MDM4: variants seen among roughly 807,000 people sequenced by gnomAD.
The protein encoded by MDM4 is protein Mdm4.
MDM4 carries 2 observed loss-of-function variants against 60.2 expected under a neutral mutation model. That is an observed-to-expected ratio of 0.03 (90% confidence interval 0.01 to 0.10). The LOEUF (loss-of-function observed/expected upper bound fraction) is 0.10. MDM4 is among the 10% of genes least tolerant of loss of function. The pLI, the probability that MDM4 is intolerant of heterozygous loss-of-function variation, is 1.00. For synonymous variants in MDM4, 202 were observed against 198.1 expected (o/e 1.02, Z -0.17); for missense variants, 447 against 577.5 (o/e 0.77, Z 2.32).
At chr1:204,547,011 G>C (rs532415584) in intron 10 of MDM4, 134 bp downstream of exon 10, 4 of 499,208 alleles carry the variant, frequency 8.0e-6, no homozygotes, top group African/African-American at 4.0e-5. Flanking sequence ...AAGTGATGTT[G>C]GTTTCTTTAC....
chr1:204,543,670 C>T (rs4252721), intron 8 of MDM4, among the ~76,000 whole-genome samples: 5,152 of 152,290 alleles, frequency 0.034, 151 homozygotes, highest in Middle Eastern at 0.068. Context: ...AGGATCCATT[C>T]GCTTTTTGTT....
Position 204,529,485 on chromosome 1 carries a change from C to G in MDM4, c.154-1199C>G, listed in dbSNP as rs975622072. ...TCCTGGAGTTCCAGAGGGGAACATC[C>G]CAGGATTGAGGTGTCCATAGGGCCC... is the stretch of plus-strand genomic sequence containing the variant. On this transcript the variant is annotated intron_variant, in intron 3 of 10. Transcript: ENST00000367182. 7.2e-6 allele frequency: 11 copies of G among 1,527,906 alleles called. 1 individual carries two copies. Among genetic ancestry groups the G allele is most frequent in the Middle Eastern group, 2.1e-4 (1 of 4,666 alleles). 94.6% of individuals were successfully genotyped at this position (1,527,906 alleles called of 1,614,324 possible).
intron 1 of MDM4, among the ~76,000 whole-genome samples, chr1:204,521,137 A>ATAGGGC (rs1659530947): frequency 6.6e-6 from 1 of 152,210 alleles, no homozygotes. Context: ...TAGCTACATA[A>ATAGGGC]TAGGGCTGTT....
intron 1 of MDM4, among the ~76,000 whole-genome samples, chr1:204,517,959 C>T (rs555814449): frequency 2.0e-5 from 3 of 151,598 alleles, no homozygotes; most frequent in Non-Finnish European, 2.9e-5. Context: ...TCTCGGAGTT[C>T]GACACCAGCC....
chr1:204,523,472 A>ATTT (rs1558310638), intron 1 of MDM4, among the ~76,000 whole-genome samples: 15 of 89,056 alleles, frequency 1.7e-4, no homozygotes, highest in Admixed American at 3.9e-4. Flanking sequence ...ACCTAAAAAA[A>ATTT]ATTTTTTTTT....
rs570176492 is a variant in MDM4, at chr1:204,550,048, A to G, written c.*366A>G. ...ATCTGAGTAACCACCCAAAAAAGCA[A>G]TAGAATGTTTCTGTCACCCCAAAAC... On this transcript the variant is annotated 3_prime_UTR_variant, in exon 11 of 11. Transcript: ENST00000367182. The G allele has an allele frequency of 2.0e-3, 492 of 243,416 alleles. No individual in the cohort carries two copies. Among genetic ancestry groups the G allele is most frequent in the Non-Finnish European group, 3.4e-3 (421 of 125,098 alleles). 15.1% of individuals were successfully genotyped at this position (243,416 alleles called of 1,614,324 possible). A position where few individuals can be genotyped will look rare whatever the true frequency, so the allele number is the denominator to read the frequency against.
At position 204,549,892 on chromosome 1, in the gene MDM4, C is replaced by T. The variant is rs903094696; in HGVS notation, c.*210C>T. The T allele has an allele frequency of 9.2e-6, 4 of 436,726 alleles. No homozygotes were observed. Among genetic ancestry groups the T allele is most frequent in the African/African-American group, 6.1e-5 (3 of 49,406 alleles). 27.1% of individuals were successfully genotyped at this position (436,726 alleles called of 1,614,324 possible). A position where few individuals can be genotyped will look rare whatever the true frequency, so the allele number is the denominator to read the frequency against. Reference sequence around the variant, plus strand: ...ATTAAGTGCCATGGATTACTTTATGCAGCAGTCAGGTACATAGTTAGGTGA... The same window carrying T: ...ATTAAGTGCCATGGATTACTTTATGTAGCAGTCAGGTACATAGTTAGGTGA... On this transcript the variant is annotated 3_prime_UTR_variant, in exon 11 of 11. Coordinates refer to ENST00000367182, the MANE Select transcript of MDM4 (RefSeq NM_002393.5).
At position 204,555,264 on chromosome 1, in the gene MDM4, C is replaced by T. The variant is rs1663462628; in HGVS notation, c.*5582C>T. The T allele has an allele frequency of 5.8e-6, 1 of 171,088 alleles. No homozygotes were observed. Among genetic ancestry groups the T allele is most frequent in the Non-Finnish European group, 1.3e-5 (1 of 79,080 alleles). The allele number at this position is 171,088 out of a possible 1,614,324, so 10.6% of individuals were successfully genotyped here. On this transcript the variant is annotated 3_prime_UTR_variant, in exon 11 of 11. Transcript: ENST00000367182. ...CCGCCTCCCGGGTTCACCCCATTCTCCTGCCTCAGCCTCCCTAGTAGCTGG... is the reference window on the plus strand; with the variant it reads ...CCGCCTCCCGGGTTCACCCCATTCTTCTGCCTCAGCCTCCCTAGTAGCTGG...
Position 204,553,464 on chromosome 1 carries a change from T to G in MDM4, c.*3782T>G, listed in dbSNP as rs952125751. ...CTTTCAAACCTCTTCATTTGGATGT[T>G]AAATTATATGGTCACCTAGTTATAG... On this transcript the variant is annotated 3_prime_UTR_variant, in exon 11 of 11. Transcript: ENST00000367182. The G allele has an allele frequency of 4.4e-6, 1 of 226,080 alleles. No homozygotes were observed. Among genetic ancestry groups the G allele is most frequent in the Non-Finnish European group, 8.8e-6 (1 of 113,466 alleles). The allele number at this position is 226,080 out of a possible 1,614,324, so 14.0% of individuals were successfully genotyped here. A position where few individuals can be genotyped will look rare whatever the true frequency, so the allele number is the denominator to read the frequency against.
At chr1:204,532,760 G>C (rs373674668) in intron 5 of MDM4, 1 of 1,608,894 alleles carries the variant, frequency 6.2e-7, no homozygotes, top group Non-Finnish European at 8.5e-7. Context: ...TGTCATTTAC[G>C]TGTTGAAGAA....
At chr1:204,523,436 C>T (rs1008875952) in intron 1 of MDM4, among the ~76,000 whole-genome samples, 10 of 147,144 alleles carry the variant, frequency 6.8e-5, no homozygotes, top group Admixed American at 2.0e-4. Flanking sequence ...CACTGCACTC[C>T]AGCCTGGGCG....
chr1:204,544,741 T>C lies in MDM4; in HGVS notation c.822+57T>C, dbSNP rs1342487721. The stretch of plus-strand genomic sequence containing the variant: ...GTTTGTGTGCTCATAGTATCATCTG[T>C]TGAGATTTCTTTGTATCTGTTTTTA... On this transcript the variant is annotated intron_variant, in intron 9 of 10. Transcript: ENST00000367182. 7 of 1,488,270 alleles carry C rather than the reference T, an allele frequency of 4.7e-6. No individual in the cohort carries two copies. The Admixed American group carries it at 1.3e-4, about 29-fold the overall frequency. The allele number at this position is 1,488,270 out of a possible 1,614,324, so 92.2% of individuals were successfully genotyped here. A position where few individuals can be genotyped will look rare whatever the true frequency, so the allele number is the denominator to read the frequency against.
At chr1:204,527,441 G>A (rs934033634) in intron 3 of MDM4, among the ~76,000 whole-genome samples, 4 of 152,068 alleles carry the variant, frequency 2.6e-5, no homozygotes, top group Middle Eastern at 3.2e-3. Flanking sequence ...ATCACCTGAG[G>A]TCAGGAGTTC....
intron 9 of MDM4, among the ~76,000 whole-genome samples, chr1:204,545,493 G>A (rs1330406204): frequency 6.6e-6 from 1 of 151,956 alleles, no homozygotes; most frequent in Admixed American, 6.6e-5. Context: ...AACATCCATC[G>A]GATAAATACA....
At chr1:204,534,867 C>A (rs1358492441) in intron 5 of MDM4, among the ~76,000 whole-genome samples, 1 of 152,066 alleles carries the variant, frequency 6.6e-6, no homozygotes, top group Non-Finnish European at 1.5e-5. Flanking sequence ...CATAGAGTTT[C>A]TCTATACCCT....
In MDM4 at chr1:204,548,452, CTTG is replaced by C. The variant is rs369337646; in HGVS notation, c.904-658_904-656del. On this transcript the variant is annotated intron_variant, in intron 10 of 10. Coordinates refer to ENST00000367182, the MANE Select transcript of MDM4 (RefSeq NM_002393.5). ...CAGTTAACCGCATTAAATATTCTTT[CTTG>C]TTCCCTGTAGCTATTTTTGAATTAA... is the stretch of plus-strand genomic sequence containing the variant. Among the ~76,000 whole-genome samples the C allele has an allele frequency of 2.0e-3, 308 of 152,322 alleles. 1 individual carries two copies. The highest frequency in any genetic ancestry group is 6.9e-3 in the African/African-American group (288 of 41,572).
chr1:204,527,643 C>T (rs895585284), intron 3 of MDM4, among the ~76,000 whole-genome samples: 1 of 109,498 alleles, frequency 9.1e-6, no homozygotes, highest in East Asian at 2.3e-4. Flanking sequence ...AACTCCATCT[C>T]AAAAAAAAAA....
rs569414923 is a variant in MDM4, at chr1:204,524,222, G to A, written c.-35-1262G>A. ...CATTGGTTTTTTGGAGAGCATCTCAGAACTCATTGTACTTAACAATTTACA... is the reference window on the plus strand; with the variant it reads ...CATTGGTTTTTTGGAGAGCATCTCAAAACTCATTGTACTTAACAATTTACA... On this transcript the variant is annotated intron_variant, in intron 1 of 10. Transcript: ENST00000367182. 3.3e-5 allele frequency among the ~76,000 whole-genome samples: 5 copies of A among 152,292 alleles called. No individual in the cohort carries two copies. The South Asian group carries it at 1.0e-3, about 32-fold the overall frequency.
chr1:204,558,114 T>A lies in MDM4; in HGVS notation c.*8432T>A, dbSNP rs994272793. On this transcript the variant is annotated 3_prime_UTR_variant, in exon 11 of 11. Transcript: ENST00000367182. ...TTTTTATGTATTAAATGTTTTTCCTTTTGCCATTGTGTGTTGTCATTATTT... is the reference window on the plus strand; with the variant it reads ...TTTTTATGTATTAAATGTTTTTCCTATTGCCATTGTGTGTTGTCATTATTT... 1.7e-5 allele frequency: 3 copies of A among 177,712 alleles called. No individual in the cohort carries two copies. Among genetic ancestry groups the A allele is most frequent in the African/African-American group, 7.1e-5 (3 of 42,412 alleles). The allele number at this position is 177,712 out of a possible 1,614,324, so 11.0% of individuals were successfully genotyped here.
Sources: allele counts gnomAD v4.1 joint callset (sites outside exome capture counted in the v4.1 genomes callset), GRCh38; gene constraint gnomAD v4.1.1; transcripts MANE v1.5; gene names NCBI Gene and HGNC (gene_info 2026-07-23, HGNC 2026-07-21).